The following FMR1NB variants were observed in gnomAD, a reference collection of about 807,000 sequenced individuals.
FMR1NB encodes FMR1 neighbor, also known as FMR1 neighbor protein.
Under a neutral mutation model 16.8 loss-of-function variants are expected in FMR1NB, and 10 were observed. The observed-to-expected ratio is 0.60, with a 90% CI of 0.37 to 1.01. FMR1NB has a LOEUF of 1.01. Among genes scored for constraint, FMR1NB ranks in the 50% least tolerant of loss-of-function variants. The probability of loss-of-function intolerance (pLI) is 0.01; values close to 1 mark genes in which losing one functional copy is unlikely to be tolerated. For synonymous variants in FMR1NB, 83 were observed against 79.1 expected (o/e 1.05, Z -0.26); for missense variants, 205 against 204.8 (o/e 1.00, Z 0.00).
intron 4 of FMR1NB, among the ~76,000 whole-genome samples, chrX:148,024,500 A>T (rs201639227): frequency 5.4e-5 from 6 of 110,286 alleles, no homozygotes; most frequent in African/African-American, 2.0e-4. Flanking sequence ...TTTGAAGTTC[A>T]TAGGAGGAAG....
At chrX:147,984,514 T>C (rs1336289075) in intron 1 of FMR1NB, among the ~76,000 whole-genome samples, 3 of 112,498 alleles carry the variant, frequency 2.7e-5, no homozygotes, top group African/African-American at 9.7e-5. Flanking sequence ...TTTCATATTG[T>C]TCTTTGCTGG....
intron 4 of FMR1NB, among the ~76,000 whole-genome samples, chrX:148,014,173 G>A (rs5904835): frequency 0.15 from 16,962 of 110,616 alleles, 1,662 homozygotes; most frequent in African/African-American, 0.36. Context: ...GATTCTTATA[G>A]GAGAGACACC....
intron 1 of FMR1NB, among the ~76,000 whole-genome samples, chrX:147,982,275 C>T (rs1364585917): frequency 2.2e-5 from 2 of 92,928 alleles, no homozygotes; most frequent in Non-Finnish European, 4.2e-5. Flanking sequence ...GGTGAGAGAG[C>T]GAGACTCCGT....
intron 3 of FMR1NB, 59 bp downstream of exon 3, chrX:148,006,901 T>A (rs187193505): frequency 9.2e-6 from 10 of 1,090,819 alleles, no homozygotes; most frequent in Non-Finnish European, 1.2e-5. Context: ...CAGATCGCAG[T>A]GGCATAAGTT....
intron 1 of FMR1NB, among the ~76,000 whole-genome samples, chrX:147,989,711 C>G (rs1242817967): frequency 9.0e-6 from 1 of 111,594 alleles, no homozygotes; most frequent in Non-Finnish European, 1.9e-5. Flanking sequence ...TCAGAGATGC[C>G]CTGCCCAGTG....
intron 1 of FMR1NB, among the ~76,000 whole-genome samples, chrX:147,982,357 G>T (rs2044453071): frequency 9.1e-6 from 1 of 110,100 alleles, no homozygotes; most frequent in Admixed American, 9.6e-5. Context: ...GGAGGCCGAG[G>T]CGGGCGGATT....
rs375204379 is a variant in FMR1NB, at chrX:147,981,460, C to G, written c.58C>G (p.Arg20Gly). The G allele has an allele frequency of 3.3e-6, 4 of 1,209,607 alleles. No individual in the cohort carries two copies. In the African/African-American group the frequency reaches 5.3e-5, roughly 16 times the overall value. Residue 20 changes from arginine (R) to glycine (G), a missense_variant, in exon 1 of 6, where the codon CGT becomes GGT. Coordinates refer to ENST00000370467, the MANE Select transcript of FMR1NB (RefSeq NM_152578.3). ...GAATAGGAGAAGTCACCGTGCCATGCGTGTGGCTCACTTAGAGCTGGCAAC... is the reference window on the plus strand; with the variant it reads ...GAATAGGAGAAGTCACCGTGCCATGGGTGTGGCTCACTTAGAGCTGGCAAC... The part of the protein sequence containing the change: ...GRNRRSHRAM[R>G]VAHLELATYE...
chrX:148,003,192 CT>C lies in FMR1NB; in HGVS notation c.278-7del. The C allele has an allele frequency of 8.3e-7, 1 of 1,202,391 alleles. No homozygotes were observed. The highest frequency in any genetic ancestry group is 1.1e-6 in the Non-Finnish European group (1 of 890,110). On this transcript the variant is annotated splice_polypyrimidine_tract_variant and splice_region_variant and intron_variant, in intron 1 of 5. Transcript: ENST00000370467. ...TATGTTGGGATTAATAATTTTACTT[CT>C]TCTTAAGGGTCCTCATATTTTGTGC... is the stretch of plus-strand genomic sequence containing the variant.
Position 148,014,792 on chromosome X carries a change from G to A in FMR1NB, c.632+6081G>A, listed in dbSNP as rs1557189978. On this transcript the variant is annotated intron_variant, in intron 4 of 5. Transcript: ENST00000370467. ...CCCGAGTACCCAGGACCACAGGCGT[G>A]TGCCACCACACCCAACTAATTTTTG... Among the ~76,000 whole-genome samples, 8 of 111,229 alleles carry A rather than the reference G, an allele frequency of 7.2e-5. No homozygotes were observed. The South Asian group carries it at 3.1e-3, about 43-fold the overall frequency.
chrX:147,995,605 A>G (rs1417925170), intron 1 of FMR1NB, among the ~76,000 whole-genome samples: 5 of 112,618 alleles, frequency 4.4e-5, no homozygotes, highest in Non-Finnish European at 9.4e-5. Context: ...GTCAGTCCTA[A>G]TTGCTCATCC....
Position 148,004,403 on chromosome X carries a change from C to A in FMR1NB, c.397+1083C>A, listed in dbSNP as rs138132625. ...GTTCGAAAAAGATATCTGCATTTCC[C>A]AAATATTTCTCCAACCTGGTGCAGG... On this transcript the variant is annotated intron_variant, in intron 2 of 5. Transcript: ENST00000370467. 5.7e-3 allele frequency among the ~76,000 whole-genome samples: 638 copies of A among 112,104 alleles called. 4 individuals are homozygous for A. The highest frequency in any genetic ancestry group is 0.028 in the Middle Eastern group (6 of 217).
At position 148,024,957 on chromosome X, in the gene FMR1NB, T is replaced by C. The variant is rs1557190892; in HGVS notation, c.725T>C (p.Leu242Ser). 5 of 1,210,969 alleles carry C rather than the reference T, an allele frequency of 4.1e-6. No homozygotes were observed. Among genetic ancestry groups the C allele is most frequent in the Non-Finnish European group, 5.6e-6 (5 of 895,004 alleles). Residue 242 changes from leucine to serine, a missense_variant, in exon 5 of 6, where the codon TTA becomes TCA. By Grantham distance (145) the Leu-to-Ser change is moderately radical (BLOSUM62 -2). Transcript: ENST00000370467. ...RRKRKRKSEM[L>S]QKAARGREEH... The stretch of plus-strand genomic sequence containing the variant: ...AAGCGAAAGAGGAAGTCTGAAATGT[T>C]ACAGAAAGCAGCAAGAGGACGTGAG...
chrX:147,985,264 C>G (rs782099309), intron 1 of FMR1NB, among the ~76,000 whole-genome samples: 1 of 111,541 alleles, frequency 9.0e-6, no homozygotes, highest in East Asian at 2.8e-4. Context: ...GTAGAAATTA[C>G]CAGTGAAGCC....
intron 4 of FMR1NB, among the ~76,000 whole-genome samples, 172 bp from the exon 5 acceptor site, chrX:148,024,693 A>G (rs892935534): frequency 1.8e-5 from 2 of 112,347 alleles, no homozygotes; most frequent in African/African-American, 3.2e-5. Flanking sequence ...GATGATCAAT[A>G]TGAGCAAGCC....
chrX:147,993,277 G>A (rs959189952), intron 1 of FMR1NB, among the ~76,000 whole-genome samples: 46 of 112,056 alleles, frequency 4.1e-4, no homozygotes, highest in African/African-American at 1.4e-3. Context: ...GTGGCGGCGC[G>A]TGCCTGCAAT....
chrX:147,993,334 G>A (rs2044524550), intron 1 of FMR1NB, among the ~76,000 whole-genome samples: 1 of 111,585 alleles, frequency 9.0e-6, no homozygotes, highest in East Asian at 2.9e-4. Flanking sequence ...CAGGGAGGTT[G>A]CAGTGAGCCG....
At chrX:147,997,652 A>G (rs1001881962) in intron 1 of FMR1NB, among the ~76,000 whole-genome samples, 1 of 112,186 alleles carries the variant, frequency 8.9e-6, no homozygotes, top group Non-Finnish European at 1.9e-5. Flanking sequence ...AAAAGAAACT[A>G]TCATCGGAGT....
At chrX:148,020,944 C>T (rs1475360736) in intron 4 of FMR1NB, among the ~76,000 whole-genome samples, 3 of 111,704 alleles carry the variant, frequency 2.7e-5, no homozygotes, top group Non-Finnish European at 5.6e-5. Flanking sequence ...ACTCTTAACC[C>T]AGTTCAGCAC....
chrX:147,984,217 A>C (rs888349559), intron 1 of FMR1NB, among the ~76,000 whole-genome samples: 1 of 111,620 alleles, frequency 9.0e-6, no homozygotes, highest in Non-Finnish European at 1.9e-5. Flanking sequence ...ACGACTCTAT[A>C]TAAATTTGAG....
Sources: gnomAD v4.1 joint callset for allele counts (sites outside exome capture counted in the v4.1 genomes callset) on GRCh38, gnomAD v4.1.1 for gene constraint, MANE v1.5 for transcripts, NCBI Gene and HGNC (gene_info 2026-07-23, HGNC 2026-07-21) for gene names.